Variants in ZNF106 observed in about 807,000 individuals in gnomAD.
The protein encoded by ZNF106 is zinc finger protein 106, also known as SH3-domain binding protein 3.
ZNF106 carries 67 observed loss-of-function variants against 195.1 expected under a neutral mutation model. The observed-to-expected ratio is 0.34, with a 90% CI of 0.28 to 0.42. ZNF106 has a LOEUF of 0.42. Among genes scored for constraint, ZNF106 ranks in the 10% least tolerant of loss-of-function variants. The probability of loss-of-function intolerance (pLI) is 1.00; values close to 1 mark genes in which losing one functional copy is unlikely to be tolerated. For synonymous variants in ZNF106, 784 were observed against 818.6 expected (o/e 0.96, Z 0.72); for missense variants, 2,118 against 2,304.5 (o/e 0.92, Z 1.66).
chr15:42,485,761 T>C (rs545382723), intron 1 of ZNF106, among the ~76,000 whole-genome samples: 23 of 152,292 alleles, frequency 1.5e-4, no homozygotes, highest in Middle Eastern at 3.4e-3. Flanking sequence ...GTGTGACGTA[T>C]GCACAACAAT....
chr15:42,464,281 A>G lies in ZNF106; in HGVS notation c.116+1772T>C, dbSNP rs2141399589. On this transcript the variant is annotated intron_variant, in intron 3 of 21. Coordinates refer to ENST00000564754, the MANE Select transcript of ZNF106 (RefSeq NM_001366845.3). ...CTTGAACCCGGGAGGCGGAGGTTGC[A>G]GTGAGCTGAGATAGCACCACTGCAC... is the stretch of plus-strand genomic sequence containing the variant. Among the ~76,000 whole-genome samples, 2 of 149,076 alleles carry G rather than the reference A, an allele frequency of 1.3e-5. 1 individual carries two copies. The highest frequency in any genetic ancestry group is 4.2e-4 in the South Asian group (2 of 4,706).
Position 42,450,152 on chromosome 15 carries a change from T to A in ZNF106, c.2120A>T (p.Lys707Ile), listed in dbSNP as rs1391058893. ...TTCTGTTTCATAAGATACATGAGAT[T>A]TAATAGAGTCATCAACCTGTGCATC... is the stretch of plus-strand genomic sequence containing the variant. Reference protein sequence around the residue: ...LEDAQVDDSIKSHVSYETEGF... With the variant: ...LEDAQVDDSIISHVSYETEGF... The change falls in exon 5 of 22, where the codon AAA becomes ATA. Residue 707 changes from lysine (K) to isoleucine (I), a missense_variant. Transcript: ENST00000564754. 6.2e-7 allele frequency: 1 copy of A among 1,614,126 alleles called. No homozygotes were observed. The highest frequency in any genetic ancestry group is 1.7e-5 in the Admixed American group (1 of 60,014).
intron 20 of ZNF106, among the ~76,000 whole-genome samples, chr15:42,418,785 T>C (rs1414021042): frequency 6.6e-6 from 1 of 152,120 alleles, no homozygotes; most frequent in African/African-American, 2.4e-5. Context: ...TGTAGAATAC[T>C]GTGTTTGCCA....
At chr15:42,418,648 G>T (rs973511120) in intron 20 of ZNF106, among the ~76,000 whole-genome samples, 7 of 150,384 alleles carry the variant, frequency 4.7e-5, no homozygotes, top group Non-Finnish European at 1.5e-5. Flanking sequence ...CAAAGTGCTG[G>T]GATTACAGGC....
intron 20 of ZNF106, among the ~76,000 whole-genome samples, chr15:42,420,299 A>G (rs1422689815): frequency 6.6e-6 from 1 of 152,180 alleles, no homozygotes; most frequent in East Asian, 1.9e-4. Context: ...TCTGTCCAAC[A>G]TATCTACATT....
intron 3 of ZNF106, among the ~76,000 whole-genome samples, chr15:42,461,376 A>G (rs1280158426): frequency 6.6e-6 from 1 of 152,256 alleles, no homozygotes; most frequent in Non-Finnish European, 1.5e-5. Flanking sequence ...TCCTTAGGGC[A>G]TTTAAAGGAG....
chr15:42,471,842 GTAGGTACATATAA>G (rs1233097322), intron 2 of ZNF106, among the ~76,000 whole-genome samples: 1 of 152,242 alleles, frequency 6.6e-6, no homozygotes, highest in East Asian at 1.9e-4. Context: ...TAAACAGATT[GTAGGTACATATAA>G]TAGATGCTAT....
chr15:42,481,351 T>G lies in ZNF106; in HGVS notation c.-32-9030A>C, dbSNP rs549877975. Among the ~76,000 whole-genome samples, 810 of 120,700 alleles carry G rather than the reference T, an allele frequency of 6.7e-3. 10 individuals carry two copies. The highest frequency in any genetic ancestry group is 0.035 in the African/African-American group (725 of 20,518). The allele number at this position is 120,700 out of a possible 152,430, so 79.2% of individuals were successfully genotyped here. The stretch of plus-strand genomic sequence containing the variant: ...ATTTCATATTCTTTCTGTTTTTTTT[T>G]TTGTTGTTTTTTTTTTTTTTTTTTG... On this transcript the variant is annotated intron_variant, in intron 1 of 21. Transcript: ENST00000564754.
rs754132494 is a variant in ZNF106, at chr15:42,442,220, T to A, written c.3616A>T (p.Thr1206Ser). The change falls in exon 10 of 22, where the codon ACT becomes TCT. Residue 1206 changes from threonine to serine, a missense_variant. Physicochemically the swap from Thr to Ser is moderately conservative, Grantham distance 58 (BLOSUM62 1). Transcript: ENST00000564754. Reference sequence around the variant, plus strand: ...GGGACACTGCCATGGGTTTGGAAAGTAGGAGACGTGGTTATTTGAAGAGAG... The same window carrying A: ...GGGACACTGCCATGGGTTTGGAAAGAAGGAGACGTGGTTATTTGAAGAGAG... Reference protein sequence around the residue: ...GASLQITTSPTFQTHGSVPAP... With the variant: ...GASLQITTSPSFQTHGSVPAP... 1.9e-6 allele frequency: 3 copies of A among 1,613,956 alleles called. No homozygotes were observed. The highest frequency in any genetic ancestry group is 2.5e-6 in the Non-Finnish European group (3 of 1,180,002).
At chr15:42,449,120 C>T (rs2141351664) in intron 5 of ZNF106, among the ~76,000 whole-genome samples, 1 of 152,114 alleles carries the variant, frequency 6.6e-6, no homozygotes, top group East Asian at 1.9e-4. Context: ...GGGAAATAAA[C>T]CCATTATTTC....
rs776664407 is a variant in ZNF106, at chr15:42,448,623, C to G, written c.2584G>C (p.Glu862Gln). 2 of 1,613,970 alleles carry G rather than the reference C, an allele frequency of 1.2e-6. No individual in the cohort carries two copies. Among genetic ancestry groups the G allele is most frequent in the Non-Finnish European group, 1.7e-6 (2 of 1,180,018 alleles). Residue 862 changes from glutamate (E) to glutamine (Q), a missense_variant, in exon 6 of 22, where the codon GAA becomes CAA. Transcript: ENST00000564754. ...LDGEPDLSSL[E>Q]GFQWEGVSIS... ...GAAACACCTTCCCACTGGAATCCTT[C>G]TAGACTGGACAGATCAGGTTCCCCA...
At chr15:42,461,963 G>C (rs1282496498) in intron 3 of ZNF106, among the ~76,000 whole-genome samples, 3 of 152,096 alleles carry the variant, frequency 2.0e-5, no homozygotes, top group African/African-American at 7.2e-5. Context: ...TTGTAAGCTG[G>C]TTTTTCTTGC....
rs116293911 is a variant in ZNF106, at chr15:42,435,590, A to G, written c.4747-72T>C. ...GATTAGATAATATATTTCCTCAACA[A>G]AAAGATGCTAAAACATTCAGTTCAC... On this transcript the variant is annotated intron_variant, in intron 13 of 21. Transcript: ENST00000564754. The G allele has an allele frequency of 2.7e-3, 4,266 of 1,572,506 alleles. 99 individuals carry two copies. In the African/African-American group the frequency reaches 0.052, roughly 19 times the overall value.
chr15:42,433,522 G>A (rs1441982995), intron 14 of ZNF106, among the ~76,000 whole-genome samples: 14 of 139,876 alleles, frequency 1.0e-4, no homozygotes, highest in African/African-American at 2.5e-4. Context: ...TTGCTCTGTC[G>A]CCCAGGCTGG....
intron 2 of ZNF106, among the ~76,000 whole-genome samples, chr15:42,468,687 G>A (rs908117189): frequency 6.6e-6 from 1 of 151,572 alleles, no homozygotes; most frequent in Admixed American, 6.6e-5. Flanking sequence ...AGGTTGCAGT[G>A]AGCCAAGATC....
At chr15:42,426,767 C>G (rs2054875376) in intron 15 of ZNF106, among the ~76,000 whole-genome samples, 2 of 152,076 alleles carry the variant, frequency 1.3e-5, no homozygotes, top group African/African-American at 4.8e-5. Context: ...CACGTTTTAG[C>G]CTTTAAAATA....
chr15:42,449,921 C>T lies in ZNF106; in HGVS notation c.2351G>A (p.Ser784Asn), dbSNP rs1427185000. 2 of 1,614,142 alleles carry T rather than the reference C, an allele frequency of 1.2e-6. No individual in the cohort carries two copies. Among genetic ancestry groups the T allele is most frequent in the South Asian group, 1.1e-5 (1 of 91,074 alleles). ...LNSARRIRNISGHRKSETEKE... is the reference protein window; with the variant it reads ...LNSARRIRNINGHRKSETEKE... Reference sequence around the variant, plus strand: ...CTCTGTCTCACTCTTTCGGTGACCGCTAATATTGCGAATGCGGCGGGCACT... The same window carrying T: ...CTCTGTCTCACTCTTTCGGTGACCGTTAATATTGCGAATGCGGCGGGCACT... Residue 784 changes from serine (S) to asparagine (N), a missense_variant, in exon 5 of 22, where the codon AGC becomes AAC. Coordinates refer to ENST00000564754, the MANE Select transcript of ZNF106 (RefSeq NM_001366845.3).
At chr15:42,423,788 C>T (rs2054754128) in intron 17 of ZNF106, among the ~76,000 whole-genome samples, 1 of 152,214 alleles carries the variant, frequency 6.6e-6, no homozygotes, top group Admixed American at 6.5e-5. Context: ...CTAAACCTTA[C>T]ATAAAGCCTG....
intron 1 of ZNF106, among the ~76,000 whole-genome samples, chr15:42,483,023 G>A (rs1436009423): frequency 6.6e-6 from 1 of 152,038 alleles, no homozygotes; most frequent in African/African-American, 2.4e-5. Context: ...TGGTTCTTCA[G>A]GCCACAAAGA....
Sources: gnomAD v4.1 joint callset for allele counts (sites outside exome capture counted in the v4.1 genomes callset) on GRCh38, gnomAD v4.1.1 for gene constraint, MANE v1.5 for transcripts, NCBI Gene and HGNC (gene_info 2026-07-23, HGNC 2026-07-21) for gene names.